The following APOO variants were observed in gnomAD, a reference collection of about 807,000 sequenced individuals.
The protein encoded by APOO is MICOS complex subunit MIC26.
In APOO, 11 loss-of-function variants were observed where a neutral mutation model predicts 23.1. The ratio of observed to expected loss-of-function variants is 0.48; its 90% CI spans 0.30 to 0.79. The LOEUF is 0.79. Among genes scored for constraint, APOO ranks in the 30% least tolerant of loss-of-function variants. APOO has a pLI of 0.07. For synonymous variants in APOO, 59 were observed against 54.8 expected (o/e 1.08, Z -0.34); for missense variants, 160 against 142.7 (o/e 1.12, Z -0.62).
chrX:23,834,258 T>C (rs937057151), intron 8 of APOO, among the ~76,000 whole-genome samples: 45 of 107,899 alleles, frequency 4.2e-4, no homozygotes, highest in Non-Finnish European at 7.7e-5. Flanking sequence ...TAGCCGGGCA[T>C]GGTGGCGGGC....
Position 23,907,754 on chromosome X carries a change from A to G in APOO, c.-52T>C. On this transcript the variant is annotated 5_prime_UTR_variant, in exon 1 of 9. Coordinates refer to ENST00000379226, the MANE Select transcript of APOO (RefSeq NM_024122.5). ...GGTCACCCCGGCCTCGGCCACGCCCACTATAGAGAGGTGACTACGGAGGCC... is the reference window on the plus strand; with the variant it reads ...GGTCACCCCGGCCTCGGCCACGCCCGCTATAGAGAGGTGACTACGGAGGCC... The G allele has an allele frequency of 8.7e-7, 1 of 1,149,765 alleles. No individual in the cohort carries two copies. Among genetic ancestry groups the G allele is most frequent in the South Asian group, 2.0e-5 (1 of 49,380 alleles). 94.8% of individuals were successfully genotyped at this position (1,149,765 alleles called of 1,213,427 possible). A position where few individuals can be genotyped will look rare whatever the true frequency, so the allele number is the denominator to read the frequency against.
intron 7 of APOO, among the ~76,000 whole-genome samples, chrX:23,854,096 T>C (rs1476549319): frequency 8.9e-6 from 1 of 112,671 alleles, no homozygotes; most frequent in Non-Finnish European, 1.9e-5. Flanking sequence ...TAAAAATCTT[T>C]ACCACCTCAC....
At chrX:23,901,896 T>C (rs1166433563) in intron 1 of APOO, among the ~76,000 whole-genome samples, 1 of 112,417 alleles carries the variant, frequency 8.9e-6, no homozygotes, top group Non-Finnish European at 1.9e-5. Flanking sequence ...CTTAACACTG[T>C]TCTGAACACT....
At chrX:23,842,118 G>A (rs1230534119) in intron 7 of APOO, among the ~76,000 whole-genome samples, 1 of 111,741 alleles carries the variant, frequency 8.9e-6, no homozygotes, top group African/African-American at 3.3e-5. Flanking sequence ...GCCAGGGGCA[G>A]TGGCTCACAC....
chrX:23,856,275 G>A (rs1309149743), intron 7 of APOO, 27 bp downstream of exon 7: 2 of 1,168,852 alleles, frequency 1.7e-6, no homozygotes, highest in South Asian at 1.8e-5. Flanking sequence ...AAACCAAAAG[G>A]AAGATAATGA....
intron 1 of APOO, among the ~76,000 whole-genome samples, chrX:23,886,287 C>A (rs1019712638): frequency 9.0e-6 from 1 of 111,478 alleles, no homozygotes. Context: ...GAAACCAGAA[C>A]AATCACTACT....
At chrX:23,878,227 G>C (rs780685474) in intron 3 of APOO, among the ~76,000 whole-genome samples, 3 of 111,919 alleles carry the variant, frequency 2.7e-5, no homozygotes, top group Non-Finnish European at 5.6e-5. Flanking sequence ...TTTTTCCTTT[G>C]TTTAGAGTTC....
At chrX:23,866,561 A>C (rs191592937) in intron 5 of APOO, among the ~76,000 whole-genome samples, 1 of 110,969 alleles carries the variant, frequency 9.0e-6, no homozygotes, top group Admixed American at 9.7e-5. Flanking sequence ...GCTTGAGTTC[A>C]GGAGTTCAAG....
intron 1 of APOO, among the ~76,000 whole-genome samples, chrX:23,885,615 A>G (rs1431839367): frequency 9.1e-6 from 1 of 109,564 alleles, no homozygotes; most frequent in East Asian, 2.9e-4. Flanking sequence ...TGGATTCTTA[A>G]TTATTAATTT....
rs1474359857 is a variant in APOO at position 23,907,925 on chromosome X, G to C, written c.-223C>G. 5.3e-6 allele frequency: 2 copies of C among 374,728 alleles called. No homozygotes were observed. The highest frequency in any genetic ancestry group is 2.6e-5 in the African/African-American group (1 of 37,957). The allele number at this position is 374,728 out of a possible 1,213,427, so 30.9% of individuals were successfully genotyped here. ...CCGCAGCGCGTCGCGCCCGGGCAGCGGGTGAACGCAAACCCCGCCCTCCAG... is the reference window on the plus strand; with the variant it reads ...CCGCAGCGCGTCGCGCCCGGGCAGCCGGTGAACGCAAACCCCGCCCTCCAG... On this transcript the variant is annotated 5_prime_UTR_variant, in exon 1 of 9. Transcript: ENST00000379226.
At chrX:23,890,525 C>T (rs1891741783) in intron 1 of APOO, among the ~76,000 whole-genome samples, 1 of 112,442 alleles carries the variant, frequency 8.9e-6, no homozygotes, top group African/African-American at 3.2e-5. Context: ...TGGTCTCAGA[C>T]TTACAAATGG....
At chrX:23,880,804 TCAGA>T in intron 2 of APOO, 37 bp downstream of exon 2, 1 of 926,604 alleles carries the variant, frequency 1.1e-6, no homozygotes, top group Non-Finnish European at 1.4e-6. Flanking sequence ...AGTAACTAAA[TCAGA>T]CACTCAAAAT....
chrX:23,843,161 A>T (rs755952199), intron 7 of APOO, among the ~76,000 whole-genome samples: 1 of 112,465 alleles, frequency 8.9e-6, no homozygotes, highest in East Asian at 2.8e-4. Context: ...ATCTCAAAAA[A>T]ATAAGATGCT....
intron 7 of APOO, among the ~76,000 whole-genome samples, chrX:23,855,296 C>G (rs979120299): frequency 2.7e-5 from 3 of 109,660 alleles, no homozygotes; most frequent in Non-Finnish European, 5.7e-5. Flanking sequence ...ATGTGCTGGG[C>G]GTGAGTCACT....
At chrX:23,864,982 A>C (rs1398449592) in intron 5 of APOO, among the ~76,000 whole-genome samples, 1 of 110,521 alleles carries the variant, frequency 9.0e-6, no homozygotes, top group Non-Finnish European at 1.9e-5. Context: ...TGGTTCACAC[A>C]ATGAGCCAGA....
chrX:23,849,164 C>T (rs1342210931), intron 7 of APOO, among the ~76,000 whole-genome samples: 2 of 109,437 alleles, frequency 1.8e-5, no homozygotes, highest in Admixed American at 1.0e-4. Flanking sequence ...TTTCGAACTC[C>T]TGATCTCAAG....
intron 1 of APOO, among the ~76,000 whole-genome samples, chrX:23,881,947 CAAAAAAAA>C (rs56820853): frequency 3.1e-5 from 1 of 31,812 alleles, no homozygotes; most frequent in Non-Finnish European, 5.2e-5. Context: ...GACTCCACCT[CAAAAAAAA>C]AAAAAAAAAA....
intron 8 of APOO, among the ~76,000 whole-genome samples, chrX:23,834,039 G>A (rs1183085643): frequency 9.1e-6 from 1 of 110,201 alleles, no homozygotes; most frequent in Non-Finnish European, 1.9e-5. Context: ...ACCATTATAT[G>A]ACCATAAGAA....
At chrX:23,855,930 G>A (rs780507325) in intron 7 of APOO, among the ~76,000 whole-genome samples, 1 of 112,071 alleles carries the variant, frequency 8.9e-6, no homozygotes, top group South Asian at 3.7e-4. Flanking sequence ...AAGAGGAAGA[G>A]GCTCTCAATT....
Sources: allele counts gnomAD v4.1 joint callset (sites outside exome capture counted in the v4.1 genomes callset), GRCh38; gene constraint gnomAD v4.1.1; transcripts MANE v1.5; gene names NCBI Gene and HGNC (gene_info 2026-07-23, HGNC 2026-07-21).